The following PTPDC1 variants were observed in gnomAD, a reference collection of about 807,000 sequenced individuals.
The protein encoded by PTPDC1 is protein tyrosine phosphatase domain containing 1.
A neutral mutation model predicts 75.3 loss-of-function variants in PTPDC1; 53 were observed. That is an observed-to-expected ratio of 0.70 (90% CI 0.56 to 0.88). The LOEUF is 0.88. Among genes scored for constraint, PTPDC1 ranks in the 40% least tolerant of loss-of-function variants. The pLI is 0.00. For synonymous variants in PTPDC1, 349 were observed against 366.2 expected (o/e 0.95, Z 0.54); for missense variants, 925 against 998.6 (o/e 0.93, Z 0.99).
At chr9:94,059,400 A>G (rs1017492860) in intron 1 of PTPDC1, among the ~76,000 whole-genome samples, 1 of 152,254 alleles carries the variant, frequency 6.6e-6, no homozygotes, top group African/African-American at 2.4e-5. Flanking sequence ...TAACTAATTT[A>G]CATAGAGGGA....
At chr9:94,042,552 C>T (rs1825455681) in intron 1 of PTPDC1, among the ~76,000 whole-genome samples, 1 of 152,154 alleles carries the variant, frequency 6.6e-6, no homozygotes, top group Non-Finnish European at 1.5e-5. Flanking sequence ...TAAAATATTG[C>T]TACAAAATAC....
intron 5 of PTPDC1, among the ~76,000 whole-genome samples, chr9:94,095,713 C>T (rs921356742): frequency 6.6e-6 from 1 of 152,082 alleles, no homozygotes; most frequent in Non-Finnish European, 1.5e-5. Context: ...TATGCGTATA[C>T]TAAATACACT....
chr9:94,093,695 A>C (rs1827419524), intron 4 of PTPDC1, among the ~76,000 whole-genome samples: 1 of 146,816 alleles, frequency 6.8e-6, no homozygotes, highest in Non-Finnish European at 1.5e-5. Context: ...ACTTGGTTCC[A>C]TTCTCCACAT....
intron 2 of PTPDC1, among the ~76,000 whole-genome samples, chr9:94,067,323 G>A (rs1331382981): frequency 6.6e-6 from 1 of 151,954 alleles, no homozygotes; most frequent in Non-Finnish European, 1.5e-5. Context: ...CCGGGAGGTA[G>A]AGGTTGCAGG....
At chr9:94,063,441 C>T (rs1426021271) in intron 1 of PTPDC1, among the ~76,000 whole-genome samples, 1 of 152,106 alleles carries the variant, frequency 6.6e-6, no homozygotes, top group Admixed American at 6.5e-5. Context: ...ATGTAACGTT[C>T]ATTTGAAATA....
chr9:94,067,941 T>C (rs1300176424), intron 2 of PTPDC1, among the ~76,000 whole-genome samples: 1 of 152,206 alleles, frequency 6.6e-6, no homozygotes, highest in Non-Finnish European at 1.5e-5. Context: ...CTGTCTCTTT[T>C]TCCTTACAGT....
chr9:94,103,191 C>T lies in PTPDC1; in HGVS notation c.2200-1084C>T, dbSNP rs1453325150. Among the ~76,000 whole-genome samples, 9 of 152,128 alleles carry T rather than the reference C, an allele frequency of 5.9e-5. No individual in the cohort carries two copies. In the East Asian group the frequency reaches 1.3e-3, roughly 23 times the overall value. The stretch of plus-strand genomic sequence containing the variant: ...TTTAAGAAGTGATTTTTCCTGTATC[C>T]GAAGTCCTTTTCTTAGGATATTTTC... On this transcript the variant is annotated intron_variant, in intron 7 of 8. Transcript: ENST00000620992.
intron 1 of PTPDC1, among the ~76,000 whole-genome samples, chr9:94,036,698 A>G (rs1439020976): frequency 2.0e-5 from 3 of 152,180 alleles, no homozygotes; most frequent in African/African-American, 4.8e-5. Flanking sequence ...GTAAGTATCA[A>G]TCTCTGGATT....
intron 1 of PTPDC1, among the ~76,000 whole-genome samples, chr9:94,031,678 C>T (rs753754151): frequency 6.6e-6 from 1 of 151,960 alleles, no homozygotes; most frequent in African/African-American, 2.4e-5. Flanking sequence ...CCTTTGTGGC[C>T]TTCCAAAGAG....
chr9:94,085,255 T>C lies in PTPDC1; in HGVS notation c.249T>C (p.Asn83=). Reference sequence around the variant, plus strand: ...TCCTTTCCTTATATGTTCTAGGAAATTTAGAACGTCCAACACCAAAGTACA... The same window carrying C: ...TCCTTTCCTTATATGTTCTAGGAAACTTAGAACGTCCAACACCAAAGTACA... ...PTFPERKSKG[N]LERPTPKYTK... is the part of the protein sequence containing the mutation. Residue 83 remains asparagine (N), a synonymous_variant, in exon 2 of 9, where the codon AAT becomes AAC. Coordinates refer to ENST00000620992, the MANE Select transcript of PTPDC1 (RefSeq NM_001253829.2). The C allele has an allele frequency of 6.2e-7, 1 of 1,613,010 alleles. No homozygotes were observed. The highest frequency in any genetic ancestry group is 1.3e-5 in the African/African-American group (1 of 74,998).
chr9:94,060,549 GA>G (rs1401092534), intron 1 of PTPDC1, among the ~76,000 whole-genome samples: 1 of 152,200 alleles, frequency 6.6e-6, no homozygotes, highest in East Asian at 1.9e-4. Context: ...AATTTATAAA[GA>G]AAAGAGGTTT....
chr9:94,077,704 A>C (rs1224381561), intron 2 of PTPDC1, among the ~76,000 whole-genome samples: 1 of 152,114 alleles, frequency 6.6e-6, no homozygotes, highest in Non-Finnish European at 1.5e-5. Flanking sequence ...AGGCTTCATC[A>C]CATGGCATGA....
rs892549587 is a variant in PTPDC1, at chr9:94,084,684, C to T, written c.154C>T (p.Leu52=). 1.2e-6 allele frequency: 2 copies of T among 1,613,796 alleles called. No homozygotes were observed. Among genetic ancestry groups the T allele is most frequent in the Non-Finnish European group, 8.5e-7 (1 of 1,179,828 alleles). ...GGGCTCCGGCTCTGCCACGAAGCTG[C>T]TGTCCTCGTCCTCTCTCCAGGTGAT... ...GLGSGSATKL[L]SSSSLQVMVA... The change falls in exon 1 of 9, where the codon CTG becomes TTG. Residue 52 remains leucine, a synonymous_variant. Transcript: ENST00000620992.
chr9:94,031,520 C>T (rs1199171168), intron 1 of PTPDC1, among the ~76,000 whole-genome samples: 1 of 151,942 alleles, frequency 6.6e-6, no homozygotes, highest in African/African-American at 2.4e-5. Flanking sequence ...TCTAGTCTGC[C>T]AGTTTGTGAC....
chr9:94,080,697 A>C (rs554540008), upstream of PTPDC1, among the ~76,000 whole-genome samples: 2 of 152,348 alleles, frequency 1.3e-5, no homozygotes, highest in South Asian at 4.1e-4. Context: ...CATCAAAGTC[A>C]AGGAAAGACT....
chr9:94,071,799 A>G (rs1190346705), intron 2 of PTPDC1, among the ~76,000 whole-genome samples: 4 of 152,236 alleles, frequency 2.6e-5, no homozygotes, highest in Admixed American at 2.6e-4. Context: ...TGGGATTTTT[A>G]TAAGAATTAA....
intron 1 of PTPDC1, among the ~76,000 whole-genome samples, chr9:94,040,599 A>G (rs971255926): frequency 1.3e-5 from 2 of 152,178 alleles, no homozygotes; most frequent in Admixed American, 6.5e-5. Context: ...TAATAATAAT[A>G]GAATAAATAA....
chr9:94,097,602 G>A lies in PTPDC1; in HGVS notation c.1036G>A (p.Val346Ile), dbSNP rs1827642568. 6.2e-7 allele frequency: 1 copy of A among 1,613,858 alleles called. No homozygotes were observed. Among genetic ancestry groups the A allele is most frequent in the African/African-American group, 1.3e-5 (1 of 74,922 alleles). ...ACACGTGCCAAAAATTATCCACCTA[G>A]TTTGCAAATTGCTGCTGGACTTAGC... ...LKHVPKIIHL[V>I]CKLLLDLAEN... is the part of the protein sequence containing the mutation. The change falls in exon 6 of 9, where the codon GTT becomes ATT. Residue 346 changes from valine (V) to isoleucine (I), a missense_variant. By Grantham distance (29) the Val-to-Ile change is conservative. Coordinates refer to ENST00000620992, the MANE Select transcript of PTPDC1 (RefSeq NM_001253829.2).
intron 4 of PTPDC1, among the ~76,000 whole-genome samples, chr9:94,092,359 A>G (rs1265179655): frequency 7.0e-6 from 1 of 142,330 alleles, no homozygotes; most frequent in Non-Finnish European, 1.5e-5. Context: ...GTCATTCAGG[A>G]GCAGGTTGTT....
Sources: allele counts gnomAD v4.1 joint callset (sites outside exome capture counted in the v4.1 genomes callset), GRCh38; gene constraint gnomAD v4.1.1; transcripts MANE v1.5; gene names NCBI Gene and HGNC (gene_info 2026-07-23, HGNC 2026-07-21).